Variants in PCDH11Y observed in about 807,000 individuals in gnomAD.
PCDH11Y encodes the protein protocadherin 11 Y-linked, also known as protocadherin-11 Y-linked.
For synonymous variants in PCDH11Y, 9 were observed against 83.6 expected, an observed-to-expected ratio of 0.11 and a Z score of 4.87; for missense variants, 12 against 224.8, an observed-to-expected ratio of 0.05 and a Z score of 6.05.
At chrY:5,624,922 A>G (rs2053505228) in intron 4 of PCDH11Y, among the ~76,000 whole-genome samples, 1 of 32,661 alleles carries the variant, frequency 3.1e-5, no homozygotes. Flanking sequence ...ATTCTGTGAA[A>G]TATGTCATTA....
At chrY:5,216,027 TTGAGTTC>T (rs2052945684) in intron 2 of PCDH11Y, among the ~76,000 whole-genome samples, 1 of 31,185 alleles carries the variant, frequency 3.2e-5, no homozygotes, top group Non-Finnish European at 7.9e-5. Flanking sequence ...ATGTCTTTCC[TTGAGTTC>T]TGAGGTCTCT....
intron 1 of PCDH11Y, among the ~76,000 whole-genome samples, chrY:5,088,098 A>T: frequency 3.2e-5 from 1 of 31,168 alleles, no homozygotes; most frequent in Non-Finnish European, 7.7e-5. Flanking sequence ...GTTCAAACTA[A>T]GTACTATGAG....
intron 4 of PCDH11Y, among the ~76,000 whole-genome samples, chrY:5,709,610 G>C: frequency 3.1e-5 from 1 of 31,933 alleles, no homozygotes. Flanking sequence ...TGGTGAACAT[G>C]CTAGGCACTA....
At chrY:5,048,521 T>C in intron 3 of PCDH11Y, among the ~76,000 whole-genome samples, 1 of 33,312 alleles carries the variant, frequency 3.0e-5, no homozygotes, top group Non-Finnish European at 7.4e-5. Flanking sequence ...CCCACCAACA[T>C]TGTAAAAGTA....
intron 2 of PCDH11Y, among the ~76,000 whole-genome samples, chrY:5,490,683 C>A (rs2053337612): frequency 3.0e-5 from 1 of 33,539 alleles, no homozygotes; most frequent in Non-Finnish European, 7.4e-5. Flanking sequence ...GGTGGGAGCC[C>A]CTCCTCCTTC....
intron 2 of PCDH11Y, among the ~76,000 whole-genome samples, chrY:5,462,870 A>G: frequency 6.2e-5 from 2 of 32,493 alleles, no homozygotes; most frequent in African/African-American, 2.4e-4. Flanking sequence ...TCCTGACCTC[A>G]GGTGCTTCAC....
intron 2 of PCDH11Y, among the ~76,000 whole-genome samples, chrY:5,464,481 C>T: frequency 9.6e-5 from 3 of 31,235 alleles, no homozygotes; most frequent in African/African-American, 3.8e-4. Context: ...AGATCTGGGG[C>T]TCAAAGTTGC....
chrY:5,019,923 A>C, intron 1 of PCDH11Y, among the ~76,000 whole-genome samples: 6 of 31,975 alleles, frequency 1.9e-4, no homozygotes, highest in African/African-American at 6.1e-4. Context: ...TTTAATATAT[A>C]TAATATACAT....
intron 1 of PCDH11Y, among the ~76,000 whole-genome samples, chrY:5,065,490 T>C: frequency 1.2e-4 from 4 of 33,212 alleles, no homozygotes. Context: ...ACAATAGTTA[T>C]GGGTTTTACT....
At chrY:5,567,198 A>C in intron 3 of PCDH11Y, among the ~76,000 whole-genome samples, 1 of 32,108 alleles carries the variant, frequency 3.1e-5, no homozygotes, top group African/African-American at 1.2e-4. Flanking sequence ...CAAAGAAGGT[A>C]TTTCTTTGAT....
intron 2 of PCDH11Y, among the ~76,000 whole-genome samples, chrY:5,143,655 C>T: frequency 3.0e-5 from 1 of 33,461 alleles, no homozygotes; most frequent in African/African-American, 1.2e-4. Flanking sequence ...ATTAGTGGGA[C>T]TTTTCTTTGA....
intron 3 of PCDH11Y, among the ~76,000 whole-genome samples, chrY:5,560,158 T>C: frequency 3.1e-5 from 1 of 32,779 alleles, no homozygotes; most frequent in African/African-American, 1.2e-4. Flanking sequence ...TCTCTAAAGA[T>C]TTGTGGAATT....
chrY:5,368,149 A>G (rs2053183102), intron 2 of PCDH11Y, among the ~76,000 whole-genome samples: 2 of 33,722 alleles, frequency 5.9e-5, no homozygotes, highest in Non-Finnish European at 1.5e-4. Context: ...ACTGGGCAAC[A>G]GAGTGAGACC....
At chrY:5,079,311 G>T in intron 1 of PCDH11Y, among the ~76,000 whole-genome samples, 2 of 33,144 alleles carry the variant, frequency 6.0e-5, no homozygotes, top group Admixed American at 5.4e-4. Context: ...CTAGACGACA[G>T]TGGCCCTCTT....
At chrY:5,561,879 C>T in intron 3 of PCDH11Y, among the ~76,000 whole-genome samples, 1 of 30,783 alleles carries the variant, frequency 3.2e-5, no homozygotes, top group Non-Finnish European at 7.8e-5. Context: ...AGAAAGGGTA[C>T]TTAATTAGCT....
chrY:5,576,274 T>A, intron 3 of PCDH11Y, among the ~76,000 whole-genome samples: 2 of 30,723 alleles, frequency 6.5e-5, no homozygotes, highest in Non-Finnish European at 1.6e-4. Flanking sequence ...GAGTTCTTTC[T>A]GGGAGTCAGC....
chrY:5,023,592 T>C, intron 1 of PCDH11Y, among the ~76,000 whole-genome samples: 1 of 34,064 alleles, frequency 2.9e-5, no homozygotes, highest in Non-Finnish European at 7.4e-5. Context: ...TCTAAGTTGT[T>C]GTTGGCAATC....
chrY:5,317,667 C>T, intron 2 of PCDH11Y, among the ~76,000 whole-genome samples: 8 of 32,531 alleles, frequency 2.5e-4, no homozygotes, highest in South Asian at 1.4e-3. Flanking sequence ...AGTTTCCTGA[C>T]GCCTCCCCAG....
At chrY:5,550,196 G>A in intron 3 of PCDH11Y, among the ~76,000 whole-genome samples, 14 of 32,319 alleles carry the variant, frequency 4.3e-4, no homozygotes, top group Admixed American at 8.5e-4. Context: ...TCTCCACGAT[G>A]TGATTATTAT....
Sources: allele counts gnomAD v4.1 joint callset (sites outside exome capture counted in the v4.1 genomes callset), GRCh38; gene constraint gnomAD v4.1.1; transcripts MANE v1.5; gene names NCBI Gene and HGNC (gene_info 2026-07-23, HGNC 2026-07-21).